PLCB2: variants seen among roughly 807,000 people sequenced by gnomAD.
The protein encoded by PLCB2 is phospholipase C beta 2.
In PLCB2, 115 loss-of-function variants were observed where a neutral mutation model predicts 141.7. The ratio of observed to expected loss-of-function variants is 0.81; its 90% CI spans 0.70 to 0.95. The LOEUF (loss-of-function observed/expected upper bound fraction) is 0.95, where lower values mean the gene tolerates loss of function less well. Ranked by LOEUF, PLCB2 falls within the 40% of genes least tolerant of loss-of-function variation. PLCB2 has a pLI of 0.00. For missense variants in PLCB2, 1,403 were observed against 1,541.1 expected, an observed-to-expected ratio of 0.91 and a Z score of 1.50; for synonymous variants, 603 against 595.6, an observed-to-expected ratio of 1.01 and a Z score of -0.18.
chr15:40,285,672 A>G (rs567174443), downstream of PLCB2: 79 of 985,278 alleles, frequency 8.0e-5, no homozygotes, highest in Non-Finnish European at 8.4e-5. Flanking sequence ...TCTTCCCTTT[A>G]TGACTCAACT....
rs1050263321 is a variant in PLCB2 at position 40,289,875 on chromosome 15, T to C, written c.3267+150A>G. On this transcript the variant is annotated intron_variant, in intron 30 of 31. Transcript: ENST00000260402. The stretch of plus-strand genomic sequence containing the variant: ...CAGCTGCATGGACAGCGCTAGGCAG[T>C]GCATCTCCTAAGGGCAAAGTCAGGG... 3.2e-5 allele frequency: 23 copies of C among 717,848 alleles called. No homozygotes were observed. The African/African-American group carries it at 3.6e-4, about 11-fold the overall frequency. The allele number at this position is 717,848 out of a possible 1,614,324, so 44.5% of individuals were successfully genotyped here. A position where few individuals can be genotyped will look rare whatever the true frequency, so the allele number is the denominator to read the frequency against.
chr15:40,307,289 C>A (rs1441076336), intron 1 of PLCB2, among the ~76,000 whole-genome samples: 1 of 152,176 alleles, frequency 6.6e-6, no homozygotes, highest in South Asian at 2.1e-4. Context: ...CACTTTCCTC[C>A]TCTTCTCTTG....
Position 40,293,004 on chromosome 15 carries a change from A to C in PLCB2, c.2248T>G (p.Ser750Ala). The change falls in exon 21 of 32, where the codon TCC (serine) becomes GCC (alanine). Residue 750 changes from serine to alanine, a missense_variant. Coordinates refer to ENST00000260402, the MANE Select transcript of PLCB2 (RefSeq NM_004573.3). The part of the protein sequence containing the change: ...FEKILMPELA[S>A]LRVAVMEEGN... ...TCCTCCATCACAGCCACTCTGAGGG[A>C]GGCCAGCTCAGGCATCAAGATCTGG... is the stretch of plus-strand genomic sequence containing the variant. The C allele has an allele frequency of 6.2e-7, 1 of 1,601,992 alleles. No individual in the cohort carries two copies.
downstream of PLCB2, chr15:40,285,994 C>T: frequency 1.0e-6 from 1 of 985,692 alleles, no homozygotes; most frequent in South Asian, 4.7e-5. Flanking sequence ...GCAGTTGGTT[C>T]CCATGGCAGG....
At chr15:40,289,392 A>G in intron 30 of PLCB2, 34 bp from the exon 31 acceptor site, 1 of 1,522,724 alleles carries the variant, frequency 6.6e-7, no homozygotes, top group Non-Finnish European at 9.1e-7. Context: ...AATCAGGACA[A>G]CACAGACAGG....
Position 40,298,312 on chromosome 15 carries a change from C to T in PLCB2, c.1066G>A (p.Val356Met), listed in dbSNP as rs190513619. ...TTCCCCTTCCAGCAGTCTAGCTCCA[C>T]GCAACGGCAGCCAGAGAGCAGCACC... Reference protein sequence around the residue: ...RQVLLSGCRCVELDCWKGKPP... With the variant: ...RQVLLSGCRCMELDCWKGKPP... Residue 356 changes from valine (V) to methionine (M), a missense_variant, in exon 11 of 32, where the codon GTG becomes ATG. Around this residue, in one of 4 missense-constraint regions of PLCB2, gnomAD observed 975 missense variants for 1,141.1 expected, o/e 0.85. Transcript: ENST00000260402. 42 of 1,607,810 alleles carry T rather than the reference C, an allele frequency of 2.6e-5. 1 individual carries two copies. Among genetic ancestry groups the T allele is most frequent in the East Asian group, 1.3e-4 (6 of 44,740 alleles).
chr15:40,291,250 C>G lies in PLCB2; in HGVS notation c.2870+15G>C. 6.4e-7 allele frequency: 1 copy of G among 1,572,436 alleles called. No homozygotes were observed. The highest frequency in any genetic ancestry group is 8.6e-7 in the Non-Finnish European group (1 of 1,167,710). On this transcript the variant is annotated intron_variant, in intron 26 of 31. Transcript: ENST00000260402. The stretch of plus-strand genomic sequence containing the variant: ...ACCCGCGCTGCAGAGGGCAGGGCAC[C>G]GCCACGAGCCTTACCTCTTCTTGCG...
At chr15:40,290,899 G>C in intron 27 of PLCB2, 62 bp from the exon 28 acceptor site, 1 of 1,369,348 alleles carries the variant, frequency 7.3e-7, no homozygotes, top group South Asian at 1.2e-5. Flanking sequence ...AGTACGGGGG[G>C]CGGGGGTCGG....
In PLCB2 at chr15:40,302,618, C is replaced by A. The variant is rs1391222905; in HGVS notation, c.232-9G>T. ...TCCCGGAGCTTCTGGCTCTGCAGCACGTGGTGGTATGGTTAGGATGGAGGT... is the reference window on the plus strand; with the variant it reads ...TCCCGGAGCTTCTGGCTCTGCAGCAAGTGGTGGTATGGTTAGGATGGAGGT... On this transcript the variant is annotated splice_polypyrimidine_tract_variant and intron_variant, in intron 3 of 31. Transcript: ENST00000260402. The A allele has an allele frequency of 6.2e-7, 1 of 1,613,912 alleles. No homozygotes were observed. The highest frequency in any genetic ancestry group is 8.5e-7 in the Non-Finnish European group (1 of 1,179,858).
chr15:40,290,096 T>C lies in PLCB2; in HGVS notation c.3210-14A>G. ...TCTCTCTTCAACCTGTTGGTGTAAT[T>C]GGAGTTTTAGAAAAGGGAGAAAACC... On this transcript the variant is annotated splice_polypyrimidine_tract_variant and intron_variant, in intron 29 of 31. Transcript: ENST00000260402. 4 of 1,585,982 alleles carry C rather than the reference T, an allele frequency of 2.5e-6. No homozygotes were observed. The highest frequency in any genetic ancestry group is 3.5e-6 in the Non-Finnish European group (4 of 1,154,404).
At chr15:40,293,066 A>G (rs373505574) in intron 20 of PLCB2, 41 bp from the exon 21 acceptor site, 171 of 1,316,076 alleles carry the variant, frequency 1.3e-4, no homozygotes, top group Non-Finnish European at 1.7e-4. Context: ...GAGGGGAGAG[A>G]GGAGCCAAGC....
chr15:40,301,585 G>A (rs1311616715), intron 7 of PLCB2: 2 of 702,958 alleles, frequency 2.8e-6, no homozygotes, highest in Non-Finnish European at 5.2e-6. Flanking sequence ...GCCTGCCACT[G>A]CCGACCTTAT....
chr15:40,289,102 C>A, intron 31 of PLCB2, 170 bp downstream of exon 31: 1 of 1,038,706 alleles, frequency 9.6e-7, no homozygotes, highest in South Asian at 1.6e-5. Flanking sequence ...GGGATCCTAA[C>A]CAGGCGGAGA....
In PLCB2 at chr15:40,296,799, C is replaced by G. The variant is rs1430873753; in HGVS notation, c.1433G>C (p.Gly478Ala). The change falls in exon 14 of 32, where the codon GGT (glycine) becomes GCT (alanine). Residue 478 changes from glycine to alanine, a missense_variant. Physicochemically the swap from Gly to Ala is moderately conservative, Grantham distance 60 (BLOSUM62 0). Transcript: ENST00000260402. ...TGGGCTGCTGCCCTCAGCCTCCCCA[C>G]CAGTATCCTTACTGGAGGAGGTGGG... ...SGPTSSSKDT[G>A]GEAEGSSPPS... 3.7e-6 allele frequency: 6 copies of G among 1,613,998 alleles called. No individual in the cohort carries two copies. Among genetic ancestry groups the G allele is most frequent in the Non-Finnish European group, 5.1e-6 (6 of 1,180,000 alleles).
intron 1 of PLCB2, among the ~76,000 whole-genome samples, chr15:40,304,925 C>T (rs1175895132): frequency 6.6e-6 from 1 of 152,192 alleles, no homozygotes; most frequent in East Asian, 1.9e-4. Flanking sequence ...TCCAGCAAGG[C>T]ACAATAGTTG....
rs1566869538 is a variant in PLCB2 at position 40,289,957 on chromosome 15, GAGAGA to G, written c.3267+63_3267+67del. On this transcript the variant is annotated intron_variant, in intron 30 of 31. Coordinates refer to ENST00000260402, the MANE Select transcript of PLCB2 (RefSeq NM_004573.3). ...AGAGAGAGAGAGAGAGAGAGAGAGA[GAGAGA>G]GAGAGAGTGTGTGTGTGTGTGTGTG... The G allele has an allele frequency of 3.6e-4, 278 of 766,434 alleles. 5 individuals are homozygous for G. Among genetic ancestry groups the G allele is most frequent in the Admixed American group, 2.2e-4 (12 of 53,792 alleles). The allele number at this position is 766,434 out of a possible 1,614,324, so 47.5% of individuals were successfully genotyped here.
In PLCB2 at chr15:40,297,726, C is replaced by T; in HGVS notation, c.1239-121G>A. 1 of 969,190 alleles carries T rather than the reference C, an allele frequency of 1.0e-6. No homozygotes were observed. Among genetic ancestry groups the T allele is most frequent in the Non-Finnish European group, 1.6e-6 (1 of 619,550 alleles). The allele number at this position is 969,190 out of a possible 1,614,324, so 60.0% of individuals were successfully genotyped here. Reference sequence around the variant, plus strand: ...GAGGTCAGGGAGGCTGGGACTCGAGCAGGAGAACATGAGGCCTTAGGGTGA... The same window carrying T: ...GAGGTCAGGGAGGCTGGGACTCGAGTAGGAGAACATGAGGCCTTAGGGTGA... On this transcript the variant is annotated intron_variant, in intron 12 of 31. Transcript: ENST00000260402. The surrounding 1 kb of genome is among the most constrained non-coding windows in gnomAD (Gnocchi z 4.2).
intron 23 of PLCB2, 57 bp downstream of exon 23, chr15:40,292,007 C>G (rs2039963441): frequency 6.2e-7 from 1 of 1,605,768 alleles, no homozygotes; most frequent in Non-Finnish European, 8.5e-7. Context: ...CCCAGCCTCT[C>G]CCATAAATAG....
intron 1 of PLCB2, among the ~76,000 whole-genome samples, chr15:40,306,174 TATTCAACATGGCACAGCAC>T (rs1402472463): frequency 6.6e-6 from 1 of 152,176 alleles, no homozygotes; most frequent in African/African-American, 2.4e-5. Context: ...GTATTCTGCT[TATTCAACATGGCACAGCAC>T]ACCCATGCCA....
Sources: gnomAD v4.1 joint callset for allele counts (sites outside exome capture counted in the v4.1 genomes callset) on GRCh38, gnomAD v4.1.1 for gene constraint, gnomAD v4.1.1 regional missense constraint, Gnocchi (gnomAD v3.1) non-coding constraint, MANE v1.5 for transcripts, NCBI Gene and HGNC (gene_info 2026-07-23, HGNC 2026-07-21) for gene names.